KCNQ4: variants seen among roughly 807,000 people sequenced by gnomAD.
The protein encoded by KCNQ4 is potassium voltage-gated channel subfamily Q member 4.
In KCNQ4, 31 loss-of-function variants were observed where a neutral mutation model predicts 72.6. That is an observed-to-expected ratio of 0.43 (90% CI 0.32 to 0.58). The LOEUF is 0.58. KCNQ4 is among the 20% of genes least tolerant of loss of function. The pLI is 0.08. For missense variants in KCNQ4, 869 were observed against 962.6 expected (o/e 0.90, Z 1.29); for synonymous variants, 405 against 403.7 (o/e 1.00, Z -0.04).
intron 7 of KCNQ4, 75 bp downstream of exon 7, chr1:40,820,335 C>A: frequency 7.9e-7 from 1 of 1,260,322 alleles, no homozygotes; most frequent in Non-Finnish European, 1.1e-6. Flanking sequence ...TGTGTGCTGA[C>A]CCATGTCCCC....
intron 1 of KCNQ4, among the ~76,000 whole-genome samples, chr1:40,798,458 G>T (rs1647479127): frequency 6.6e-6 from 1 of 152,190 alleles, no homozygotes; most frequent in South Asian, 2.1e-4. Flanking sequence ...CCCATTGTGG[G>T]CTTTACTTAT....
chr1:40,831,547 G>A (rs1648647833), intron 10 of KCNQ4, among the ~76,000 whole-genome samples: 1 of 152,252 alleles, frequency 6.6e-6, no homozygotes, highest in African/African-American at 2.4e-5. Flanking sequence ...AGCAGCACAG[G>A]CTTTGGAGCG....
intron 2 of KCNQ4, 127 bp from the exon 3 acceptor site, chr1:40,818,037 A>T: frequency 8.0e-7 from 1 of 1,255,218 alleles, no homozygotes; most frequent in Non-Finnish European, 1.1e-6. Flanking sequence ...AGTCCAGGAA[A>T]CTCCAGGAGA....
rs765272519 is a variant in KCNQ4 at position 40,817,366 on chromosome 1, G to C, written c.405+11G>C. The C allele has an allele frequency of 1.2e-6, 2 of 1,610,196 alleles. No individual in the cohort carries two copies. The highest frequency in any genetic ancestry group is 1.7e-6 in the Non-Finnish European group (2 of 1,177,012). On this transcript the variant is annotated intron_variant, in intron 2 of 13. Transcript: ENST00000347132. The surrounding 1 kb of genome is among the most constrained non-coding windows in gnomAD (Gnocchi z 5.5). ...TGTCTCCTCATCTTGGTAAGTGCTG[G>C]GAGTCCGGGACTGAGGGGGGCTGTG...
chr1:40,817,295 G>C lies in KCNQ4; in HGVS notation c.345G>C (p.Leu115=). 1.2e-6 allele frequency: 2 copies of C among 1,614,026 alleles called. No homozygotes were observed. The highest frequency in any genetic ancestry group is 2.2e-5 in the East Asian group (1 of 44,888). Residue 115 remains leucine, a synonymous_variant, in exon 2 of 14, where the codon CTG becomes CTC. Transcript: ENST00000347132. The surrounding 1 kb of genome is among the most constrained non-coding windows in gnomAD (Gnocchi z 5.5). ...TGCTGGTCTTCAGCTGCCTGGTGCTGTCTGTGCTGTCCACTATCCAGGAGC... is the reference window on the plus strand; with the variant it reads ...TGCTGGTCTTCAGCTGCCTGGTGCTCTCTGTGCTGTCCACTATCCAGGAGC... The part of the protein sequence containing the change: ...IFLLVFSCLV[L]SVLSTIQEHQ...
chr1:40,806,086 C>T (rs1259961366), intron 1 of KCNQ4, among the ~76,000 whole-genome samples: 1 of 152,214 alleles, frequency 6.6e-6, no homozygotes, highest in Non-Finnish European at 1.5e-5. Context: ...CGTGATCCGC[C>T]TGCCTCAGCC....
At chr1:40,823,970 G>A (rs977143176) in intron 8 of KCNQ4, 127 bp from the exon 9 acceptor site, 56 of 1,073,120 alleles carry the variant, frequency 5.2e-5, no homozygotes, top group Middle Eastern at 5.7e-4. Flanking sequence ...TATTCTGGCC[G>A]GGCTGTCAGT....
At chr1:40,798,457 G>A (rs1434157177) in intron 1 of KCNQ4, among the ~76,000 whole-genome samples, 1 of 152,174 alleles carries the variant, frequency 6.6e-6, no homozygotes, top group Non-Finnish European at 1.5e-5. Flanking sequence ...ACCCATTGTG[G>A]GCTTTACTTA....
Position 40,788,311 on chromosome 1 carries a change from A to C in KCNQ4, c.314+3904A>C, listed in dbSNP as rs548961782. On this transcript the variant is annotated intron_variant, in intron 1 of 13. Coordinates refer to ENST00000347132, the MANE Select transcript of KCNQ4 (RefSeq NM_004700.4). The surrounding 1 kb of genome is among the most constrained non-coding windows in gnomAD (Gnocchi z 4.5). ...GTAGCAGATACAGCGGACTCTGTGC[A>C]GAGACCTCAGCTGGGCTAGGCCAGG... 1.7e-4 allele frequency among the ~76,000 whole-genome samples: 26 copies of C among 152,324 alleles called. No individual in the cohort carries two copies. The highest frequency in any genetic ancestry group is 6.0e-4 in the African/African-American group (25 of 41,554).
rs1648772551 is a variant in KCNQ4 at position 40,835,105 on chromosome 1, G to A, written c.1745+7G>A. On this transcript the variant is annotated splice_region_variant and intron_variant, in intron 12 of 13. Transcript: ENST00000347132. ...TCAAGAGCCTGCAAACTCGGTGGGT[G>A]CACCGGGCCTGTTGGGAGGCAGGGG... is the stretch of plus-strand genomic sequence containing the variant. 4 of 1,612,052 alleles carry A rather than the reference G, an allele frequency of 2.5e-6. No homozygotes were observed. Among genetic ancestry groups the A allele is most frequent in the Middle Eastern group, 1.7e-4 (1 of 6,060 alleles).
chr1:40,784,183 G>A lies in KCNQ4; in HGVS notation c.90G>A (p.Gln30=), dbSNP rs1027522438. ...AGCTAGTGGCGCTCACGGCCGTGCA[G>A]AGCGAACAGGGCGAGGCGGGCGGGG... ...RAELVALTAV[Q]SEQGEAGGGG... is the part of the protein sequence containing the mutation. Residue 30 remains glutamine, a synonymous_variant, in exon 1 of 14, where the codon CAG becomes CAA. Coordinates refer to ENST00000347132, the MANE Select transcript of KCNQ4 (RefSeq NM_004700.4). The surrounding 1 kb of genome is among the most constrained non-coding windows in gnomAD (Gnocchi z 4.1). 3.5e-6 allele frequency: 4 copies of A among 1,128,058 alleles called. No individual in the cohort carries two copies. In the African/African-American group the frequency reaches 5.0e-5, roughly 14 times the overall value. The allele number at this position is 1,128,058 out of a possible 1,614,324, so 69.9% of individuals were successfully genotyped here.
intron 9 of KCNQ4, among the ~76,000 whole-genome samples, chr1:40,828,462 A>G (rs934683575): frequency 1.3e-5 from 2 of 151,360 alleles, no homozygotes; most frequent in African/African-American, 4.9e-5. Flanking sequence ...GAGTGGGGGA[A>G]CTTGCTCCAG....
intron 1 of KCNQ4, among the ~76,000 whole-genome samples, chr1:40,814,659 A>C (rs1242773163): frequency 1.3e-5 from 2 of 152,114 alleles, no homozygotes; most frequent in Non-Finnish European, 2.9e-5. Context: ...AGTCGTGATC[A>C]TGCTACTGCA....
chr1:40,809,233 T>C (rs1647853860), intron 1 of KCNQ4, among the ~76,000 whole-genome samples: 1 of 152,226 alleles, frequency 6.6e-6, no homozygotes, highest in East Asian at 1.9e-4. Context: ...CTGTTCCTGC[T>C]GCACCGCTGG....
At chr1:40,823,977 C>T (rs1164722450) in intron 8 of KCNQ4, 120 bp from the exon 9 acceptor site, 2 of 1,177,590 alleles carry the variant, frequency 1.7e-6, no homozygotes, top group African/African-American at 3.0e-5. Context: ...GCCGGGCTGT[C>T]AGTGAACACC....
In KCNQ4 at chr1:40,811,553, C is replaced by T. The variant is rs374147196; in HGVS notation, c.315-5712C>T. On this transcript the variant is annotated intron_variant, in intron 1 of 13. Transcript: ENST00000347132. ...CCCTCCAGGTGACTCTGACACCCAC[C>T]GTAGTTTGAAAACCACAAATCTAAG... is the stretch of plus-strand genomic sequence containing the variant. 4.5e-4 allele frequency among the ~76,000 whole-genome samples: 69 copies of T among 152,346 alleles called. 1 individual carries two copies. Among genetic ancestry groups the T allele is most frequent in the African/African-American group, 1.4e-3 (60 of 41,576 alleles).
intron 9 of KCNQ4, among the ~76,000 whole-genome samples, chr1:40,830,451 A>G (rs1648604294): frequency 6.6e-6 from 1 of 152,226 alleles, no homozygotes; most frequent in Non-Finnish European, 1.5e-5. Context: ...GGGATCAGAT[A>G]GCCGCAGCAG....
rs766533989 is a variant in KCNQ4 at position 40,817,382 on chromosome 1, G to T, written c.405+27G>T. The T allele has an allele frequency of 6.3e-7, 1 of 1,586,186 alleles. No individual in the cohort carries two copies. The highest frequency in any genetic ancestry group is 1.3e-5 in the African/African-American group (1 of 74,498). ...TAAGTGCTGGGAGTCCGGGACTGAGGGGGGCTGTGTGAGGTAGCACCTCTG... is the reference window on the plus strand; with the variant it reads ...TAAGTGCTGGGAGTCCGGGACTGAGTGGGGCTGTGTGAGGTAGCACCTCTG... On this transcript the variant is annotated intron_variant, in intron 2 of 13. Coordinates refer to ENST00000347132, the MANE Select transcript of KCNQ4 (RefSeq NM_004700.4). The surrounding 1 kb of genome is among the most constrained non-coding windows in gnomAD (Gnocchi z 5.5).
chr1:40,822,475 C>A (rs1379599749), intron 8 of KCNQ4, 73 bp downstream of exon 8: 3 of 1,275,224 alleles, frequency 2.4e-6, no homozygotes, highest in South Asian at 1.3e-5. Flanking sequence ...GGCTGAGACT[C>A]AACCCTGGAG....
Sources: allele counts gnomAD v4.1 joint callset (sites outside exome capture counted in the v4.1 genomes callset), GRCh38; gene constraint gnomAD v4.1.1; non-coding constraint Gnocchi (gnomAD v3.1); transcripts MANE v1.5; gene names NCBI Gene and HGNC (gene_info 2026-07-23, HGNC 2026-07-21).